The following URB1 variants were observed in gnomAD, a reference collection of about 807,000 sequenced individuals.
URB1 encodes the protein URB1 ribosome biogenesis factor.
In URB1, 197 loss-of-function variants were observed where a neutral mutation model predicts 242.3. The observed-to-expected ratio is 0.81, with a 90% confidence interval of 0.72 to 0.91. URB1 has a LOEUF of 0.91. Among genes scored for constraint, URB1 ranks in the 40% least tolerant of loss-of-function variants. The pLI, the probability that URB1 is intolerant of heterozygous loss-of-function variation, is 0.00. For missense variants in URB1, 2,721 were observed against 2,860.5 expected (o/e 0.95, Z 1.11); for synonymous variants, 1,153 against 1,201.8 (o/e 0.96, Z 0.84).
At chr21:32,317,466 A>G (rs1422106433) in intron 37 of URB1, among the ~76,000 whole-genome samples, 1 of 152,178 alleles carries the variant, frequency 6.6e-6, no homozygotes, top group Non-Finnish European at 1.5e-5. Context: ...AGGTGAAGTG[A>G]CTTCTCCAAA....
rs1016374121 is a variant in URB1, at chr21:32,381,383, T to C, written c.567+2039A>G. 7.3e-5 allele frequency among the ~76,000 whole-genome samples: 11 copies of C among 150,558 alleles called. No homozygotes were observed. The East Asian group carries it at 1.9e-3, about 27-fold the overall frequency. On this transcript the variant is annotated intron_variant, in intron 4 of 38. Transcript: ENST00000382751. Reference sequence around the variant, plus strand: ...TATTATCTATAACCCTCCTTCTTCATGACGCTTTAATAATTTCCTCCAAAA... The same window carrying C: ...TATTATCTATAACCCTCCTTCTTCACGACGCTTTAATAATTTCCTCCAAAA...
At position 32,366,671 on chromosome 21, in the gene URB1, C is replaced by A. The variant is rs1248814019; in HGVS notation, c.1282G>T (p.Val428Leu). ...PLPRLLAMVM[V>L]TTVPLVCNKS... ...TTGCACACCAGGGGCACGGTGGTCACCATCACCATTGCCAGGAGCCGAGGC... is the reference window on the plus strand; with the variant it reads ...TTGCACACCAGGGGCACGGTGGTCAACATCACCATTGCCAGGAGCCGAGGC... Residue 428 changes from valine (V) to leucine (L), a missense_variant, in exon 10 of 39, where the codon GTG (valine) becomes TTG (leucine). Val to Leu is a conservative substitution (Grantham distance 32). Transcript: ENST00000382751. The A allele has an allele frequency of 2.6e-6, 4 of 1,551,358 alleles. No individual in the cohort carries two copies. Among genetic ancestry groups the A allele is most frequent in the Non-Finnish European group, 2.6e-6 (3 of 1,146,854 alleles).
At chr21:32,360,789 G>C (rs1432400360) in intron 13 of URB1, among the ~76,000 whole-genome samples, 1 of 152,204 alleles carries the variant, frequency 6.6e-6, no homozygotes, top group Non-Finnish European at 1.5e-5. Context: ...AAGCTGGCTG[G>C]CTTCTTCCAT....
chr21:32,369,505 C>T (rs2033383789), intron 8 of URB1, among the ~76,000 whole-genome samples: 1 of 151,278 alleles, frequency 6.6e-6, no homozygotes, highest in South Asian at 2.1e-4. Flanking sequence ...TGCTCTGTCA[C>T]CCAGAATGCA....
intron 4 of URB1, among the ~76,000 whole-genome samples, chr21:32,382,114 G>A (rs1293028100): frequency 6.6e-6 from 1 of 152,154 alleles, no homozygotes; most frequent in Non-Finnish European, 1.5e-5. Context: ...AGGACGGGAA[G>A]CCCTTTCCCA....
intron 13 of URB1, 41 bp downstream of exon 13, chr21:32,360,966 C>A (rs1048922311): frequency 7.0e-7 from 1 of 1,427,424 alleles, no homozygotes; most frequent in African/African-American, 1.4e-5. Context: ...GGTTTATTGG[C>A]AGCAACAGTG....
intron 17 of URB1, 117 bp from the exon 18 acceptor site, chr21:32,354,220 T>C (rs1339749639): frequency 1.7e-6 from 2 of 1,160,492 alleles, no homozygotes; most frequent in Non-Finnish European, 2.4e-6. Flanking sequence ...CAAATTCCTC[T>C]TGGGGGGAGC....
Position 32,325,260 on chromosome 21 carries a change from A to C in URB1, c.5090T>G (p.Leu1697Trp). The change falls in exon 31 of 39, where the codon TTG becomes TGG. Residue 1697 changes from leucine to tryptophan, a missense_variant. By Grantham distance (61) the Leu-to-Trp change is moderately conservative. Coordinates refer to ENST00000382751, the MANE Select transcript of URB1 (RefSeq NM_014825.3). ...CTGCTCTTGGAACCGTGCGCCCTCCAAGTGCGAGTAGTAGGCCGCCAGGAC... is the reference window on the plus strand; with the variant it reads ...CTGCTCTTGGAACCGTGCGCCCTCCCAGTGCGAGTAGTAGGCCGCCAGGAC... The part of the protein sequence containing the change: ...YHVLAAYYSH[L>W]EGARFQEQSQ... 1 of 1,551,672 alleles carries C rather than the reference A, an allele frequency of 6.4e-7. No homozygotes were observed. Among genetic ancestry groups the C allele is most frequent in the Non-Finnish European group, 8.7e-7 (1 of 1,146,972 alleles).
At chr21:32,341,554 T>A in intron 24 of URB1, 30 bp from the exon 25 acceptor site, 1 of 1,545,884 alleles carries the variant, frequency 6.5e-7, no homozygotes, top group Middle Eastern at 1.7e-4. Context: ...GAAAAACACA[T>A]GAAACATCTC....
rs182652190 is a variant in URB1 at position 32,326,207 on chromosome 21, C to T, written c.4961-818G>A. Among the ~76,000 whole-genome samples the T allele has an allele frequency of 1.6e-3, 244 of 152,252 alleles. 1 individual carries two copies. Among genetic ancestry groups the T allele is most frequent in the African/African-American group, 5.6e-3 (232 of 41,536 alleles). On this transcript the variant is annotated intron_variant, in intron 30 of 38. Coordinates refer to ENST00000382751, the MANE Select transcript of URB1 (RefSeq NM_014825.3). The stretch of plus-strand genomic sequence containing the variant: ...CAAGATAAATACTGTCAAGAAGAAC[C>T]TTAGAATAGGAATTAATTATTAATG...
rs901467665 is a variant in URB1 at position 32,311,575 on chromosome 21, C to G, written c.*3343G>C. 9 of 1,489,472 alleles carry G rather than the reference C, an allele frequency of 6.0e-6. No individual in the cohort carries two copies. The African/African-American group carries it at 9.8e-5, about 16-fold the overall frequency. 92.3% of individuals were successfully genotyped at this position (1,489,472 alleles called of 1,614,324 possible). On this transcript the variant is annotated 3_prime_UTR_variant, in exon 39 of 39. Coordinates refer to ENST00000382751, the MANE Select transcript of URB1 (RefSeq NM_014825.3). ...CAGGAATTTGCCTGTGTGGCCTTCC[C>G]TATGGGGTCCGGGCAGATGGCAGGT...
chr21:32,329,599 CCT>C (rs2032870801), intron 30 of URB1, among the ~76,000 whole-genome samples: 1 of 152,146 alleles, frequency 6.6e-6, no homozygotes, highest in Non-Finnish European at 1.5e-5. Flanking sequence ...CTTGGCTGGC[CCT>C]GTTTCTTGGC....
Position 32,325,349 on chromosome 21 carries a change from A to G in URB1, c.5001T>C (p.Ala1667=), listed in dbSNP as rs764402205. ...VDCRKFLDSN[A]LGLTVTALSS... is the part of the protein sequence containing the mutation. ...TGAGGGCTGTGACAGTTAGGCCCAG[A>G]GCATTTGAATCCAAAAATTTTCGAC... is the stretch of plus-strand genomic sequence containing the variant. Residue 1667 remains alanine, a synonymous_variant, in exon 31 of 39, where the codon GCT becomes GCC. Coordinates refer to ENST00000382751, the MANE Select transcript of URB1 (RefSeq NM_014825.3). The G allele has an allele frequency of 5.8e-6, 9 of 1,551,454 alleles. No individual in the cohort carries two copies. The South Asian group carries it at 9.5e-5, about 16-fold the overall frequency.
intron 1 of URB1, among the ~76,000 whole-genome samples, chr21:32,389,823 G>T (rs2033619889): frequency 6.6e-6 from 1 of 152,168 alleles, no homozygotes; most frequent in African/African-American, 2.4e-5. Flanking sequence ...AACCCTTCTT[G>T]ATGGGGGATC....
chr21:32,319,875 T>TA (rs1221873502), intron 35 of URB1, among the ~76,000 whole-genome samples: 1 of 152,134 alleles, frequency 6.6e-6, no homozygotes. Flanking sequence ...GAAATGCTTT[T>TA]AAAAAAATGC....
chr21:32,379,425 CACA>C (rs1005152855), intron 4 of URB1, among the ~76,000 whole-genome samples: 10 of 152,220 alleles, frequency 6.6e-5, no homozygotes, highest in African/African-American at 2.4e-4. Flanking sequence ...AAGTTAATAT[CACA>C]ACAAGTCACT....
At chr21:32,318,129 A>G (rs922976138) in intron 36 of URB1, among the ~76,000 whole-genome samples, 3 of 152,192 alleles carry the variant, frequency 2.0e-5, no homozygotes, top group Admixed American at 2.0e-4. Flanking sequence ...GGGGACCTGG[A>G]GTCTGACCTG....
Position 32,384,248 on chromosome 21 carries a change from C to T in URB1, c.434+65G>A, listed in dbSNP as rs1474266721. 3.2e-5 allele frequency: 48 copies of T among 1,506,858 alleles called. No homozygotes were observed. In the East Asian group the frequency reaches 9.2e-4, roughly 29 times the overall value. The allele number at this position is 1,506,858 out of a possible 1,614,324, so 93.3% of individuals were successfully genotyped here. On this transcript the variant is annotated intron_variant, in intron 3 of 38. Transcript: ENST00000382751. ...TAAAGGTACTGACCAAATGCACCTG[C>T]GGAGAGCTGAATGCAGACCAAACCC... is the stretch of plus-strand genomic sequence containing the variant.
At chr21:32,375,534 G>T in intron 5 of URB1, 51 bp from the exon 6 acceptor site, 1 of 1,101,586 alleles carries the variant, frequency 9.1e-7, no homozygotes, top group Non-Finnish European at 1.3e-6. Flanking sequence ...TTGAAAATGA[G>T]AATAGACGAG....
Sources: gnomAD v4.1 joint callset for allele counts (sites outside exome capture counted in the v4.1 genomes callset) on GRCh38, gnomAD v4.1.1 for gene constraint, MANE v1.5 for transcripts, NCBI Gene and HGNC (gene_info 2026-07-23, HGNC 2026-07-21) for gene names.